MCTP1: variants seen among roughly 807,000 people sequenced by gnomAD.
MCTP1 encodes the protein multiple C2 and transmembrane domain-containing protein 1.
Under a neutral mutation model 120.6 loss-of-function variants are expected in MCTP1, and 69 were observed. That is an observed-to-expected ratio of 0.57 (90% CI 0.47 to 0.70). The LOEUF (loss-of-function observed/expected upper bound fraction) is 0.70. MCTP1 is among the 30% of genes least tolerant of loss of function. The pLI is 0.00. For synonymous variants in MCTP1, 529 were observed against 493.1 expected, an observed-to-expected ratio of 1.07 and a Z score of -0.96; for missense variants, 1,203 against 1,248.8, an observed-to-expected ratio of 0.96 and a Z score of 0.55.
At chr5:94,914,707 A>C (rs1299908333) in intron 8 of MCTP1, among the ~76,000 whole-genome samples, 3 of 152,218 alleles carry the variant, frequency 2.0e-5, no homozygotes, top group African/African-American at 7.2e-5. Flanking sequence ...AGCACCTGCA[A>C]GTTCTGCAGA....
At chr5:95,013,791 T>C (rs914846966) in intron 2 of MCTP1, among the ~76,000 whole-genome samples, 7 of 152,146 alleles carry the variant, frequency 4.6e-5, no homozygotes, top group African/African-American at 1.7e-4. Context: ...TTCAGTCCTG[T>C]TAACACAACA....
chr5:94,935,917 A>G (rs1354170157), intron 5 of MCTP1, among the ~76,000 whole-genome samples: 1 of 152,080 alleles, frequency 6.6e-6, no homozygotes, highest in Non-Finnish European at 1.5e-5. Context: ...TTACAGATGC[A>G]GTATGCTATG....
chr5:94,784,994 A>C, intron 18 of MCTP1: 1 of 152,066 alleles, frequency 6.6e-6, no homozygotes, highest in South Asian at 2.1e-4. Context: ...GATGCATGCC[A>C]CTGATTACGT....
rs536255043 is a variant in MCTP1 at position 94,888,434 on chromosome 5, A to C, written c.1933+445T>G. 3.3e-5 allele frequency among the ~76,000 whole-genome samples: 5 copies of C among 152,322 alleles called. No individual in the cohort carries two copies. In the East Asian group the frequency reaches 9.7e-4, roughly 29 times the overall value. The stretch of plus-strand genomic sequence containing the variant: ...TGGGTGACTAATGAGTTGGATCAGC[A>C]ACCCAAATATCAAGAGTTGATACCA... On this transcript the variant is annotated intron_variant, in intron 12 of 22. Coordinates refer to ENST00000515393, the MANE Select transcript of MCTP1 (RefSeq NM_024717.7).
At chr5:94,930,267 A>ATTTTTTTTTT (rs869306266) in intron 6 of MCTP1, among the ~76,000 whole-genome samples, 1 of 100,926 alleles carries the variant, frequency 9.9e-6, no homozygotes, top group Non-Finnish European at 1.9e-5. Flanking sequence ...TTAAAGAAGA[A>ATTTTTTTTTT]TTTTTTTTTT....
intron 19 of MCTP1, among the ~76,000 whole-genome samples, chr5:94,748,369 G>T (rs1002283702): frequency 6.6e-6 from 1 of 152,204 alleles, no homozygotes; most frequent in Non-Finnish European, 1.5e-5. Flanking sequence ...ACAGCAGTCC[G>T]TTAAGGCTTC....
At chr5:94,764,476 C>T (rs1330532858) in intron 19 of MCTP1, among the ~76,000 whole-genome samples, 1 of 151,912 alleles carries the variant, frequency 6.6e-6, no homozygotes, top group East Asian at 1.9e-4. Flanking sequence ...AACAATAGTA[C>T]CACCAAAAGA....
intron 19 of MCTP1, 142 bp from the exon 20 acceptor site, chr5:94,715,028 G>T (rs1485524571): frequency 5.2e-6 from 3 of 581,900 alleles, no homozygotes; most frequent in Non-Finnish European, 9.1e-6. Context: ...TGGAACCCAT[G>T]AAAATATCAG....
chr5:95,077,477 CTT>C (rs375415681), intron 1 of MCTP1, among the ~76,000 whole-genome samples: 1 of 145,716 alleles, frequency 6.9e-6, no homozygotes. Context: ...ATTATATATA[CTT>C]TTTTTTTTTT....
intron 1 of MCTP1, among the ~76,000 whole-genome samples, chr5:95,257,639 A>C (rs1758025389): frequency 6.6e-6 from 1 of 152,220 alleles, no homozygotes; most frequent in African/African-American, 2.4e-5. Context: ...GAGCACACTT[A>C]GTGCCCAGAT....
intron 17 of MCTP1, among the ~76,000 whole-genome samples, chr5:94,848,061 T>C (rs1426098301): frequency 6.6e-6 from 1 of 151,930 alleles, no homozygotes; most frequent in Non-Finnish European, 1.5e-5. Context: ...GGCTGACAGA[T>C]GATCTACATT....
At chr5:94,771,929 C>T (rs904033299) in intron 19 of MCTP1, among the ~76,000 whole-genome samples, 5 of 152,118 alleles carry the variant, frequency 3.3e-5, no homozygotes, top group Non-Finnish European at 7.4e-5. Context: ...GTTTGAGGCT[C>T]TAGGGGAGAA....
chr5:94,739,825 G>A (rs1350513392), intron 19 of MCTP1, among the ~76,000 whole-genome samples: 8 of 152,192 alleles, frequency 5.3e-5, no homozygotes, highest in South Asian at 2.1e-4. Context: ...GTGCCACCAC[G>A]CCCAGCTAAT....
intron 1 of MCTP1, among the ~76,000 whole-genome samples, chr5:95,145,556 G>C (rs1488242715): frequency 6.6e-6 from 1 of 152,072 alleles, no homozygotes; most frequent in Non-Finnish European, 1.5e-5. Context: ...TTATTATTTT[G>C]AGGTATGTGT....
intron 18 of MCTP1, chr5:94,789,198 A>C (rs2152978288): frequency 6.6e-6 from 1 of 152,308 alleles, no homozygotes; most frequent in African/African-American, 2.4e-5. Flanking sequence ...AGAACTGAGC[A>C]AGGTGGGAAG....
At chr5:95,198,743 A>G (rs1276506966) in intron 1 of MCTP1, among the ~76,000 whole-genome samples, 1 of 152,192 alleles carries the variant, frequency 6.6e-6, no homozygotes, top group African/African-American at 2.4e-5. Context: ...CAGGACACAC[A>G]CTTTACAGAG....
At chr5:95,228,743 C>T (rs774242446) in intron 1 of MCTP1, among the ~76,000 whole-genome samples, 7 of 152,076 alleles carry the variant, frequency 4.6e-5, no homozygotes, top group Non-Finnish European at 8.8e-5. Flanking sequence ...ACCGTCGTCC[C>T]GATAGTGAAC....
At chr5:95,255,560 C>A (rs1256775168) in intron 1 of MCTP1, among the ~76,000 whole-genome samples, 2 of 152,106 alleles carry the variant, frequency 1.3e-5, no homozygotes, top group African/African-American at 4.8e-5. Context: ...CCACACCTAC[C>A]CCTATGAATA....
At chr5:94,895,681 A>G (rs1329072303) in intron 10 of MCTP1, among the ~76,000 whole-genome samples, 1 of 152,180 alleles carries the variant, frequency 6.6e-6, no homozygotes, top group Non-Finnish European at 1.5e-5. Flanking sequence ...GCTCTTTCTT[A>G]TTCCTCACTC....
Sources: gnomAD v4.1 joint callset for allele counts (sites outside exome capture counted in the v4.1 genomes callset) on GRCh38, gnomAD v4.1.1 for gene constraint, MANE v1.5 for transcripts, NCBI Gene and HGNC (gene_info 2026-07-23, HGNC 2026-07-21) for gene names.